The following KDM4C variants were observed in gnomAD, a reference collection of about 807,000 sequenced individuals.
KDM4C encodes the protein lysine demethylase 4C, also known as lysine-specific demethylase 4C.
A neutral mutation model predicts 129.3 loss-of-function variants in KDM4C; 81 were observed. That is an observed-to-expected ratio of 0.63 (90% confidence interval 0.52 to 0.75). The LOEUF (loss-of-function observed/expected upper bound fraction) is 0.75. Among genes scored for constraint, KDM4C ranks in the 30% least tolerant of loss-of-function variants. The pLI, the probability that KDM4C is intolerant of heterozygous loss-of-function variation, is 0.00. For missense variants in KDM4C, 1,457 were observed against 1,304.0 expected (o/e 1.12, Z -1.81); for synonymous variants, 573 against 456.1 (o/e 1.26, Z -3.26).
intron 19 of KDM4C, among the ~76,000 whole-genome samples, chr9:7,161,493 AC>A (rs1461016857): frequency 2.0e-5 from 3 of 152,134 alleles, no homozygotes; most frequent in African/African-American, 7.2e-5. Flanking sequence ...AAACTTCTCT[AC>A]CCCGAATGAA....
intron 4 of KDM4C, among the ~76,000 whole-genome samples, chr9:6,839,182 A>G (rs969476170): frequency 1.3e-5 from 2 of 152,106 alleles, no homozygotes; most frequent in Admixed American, 1.3e-4. Context: ...CTTGGATAAG[A>G]GTCCTAAAAC....
intron 8 of KDM4C, among the ~76,000 whole-genome samples, chr9:6,979,637 AAG>A: frequency 6.6e-6 from 1 of 152,176 alleles, no homozygotes; most frequent in East Asian, 1.9e-4. Context: ...GAAAGATTGT[AAG>A]AGATTTGGGG....
rs144990272 is a variant in KDM4C, at chr9:6,738,885, G to T, written c.49+17888G>T. ...CAGGCATGAGCTATCACGCCTGGCC[G>T]CCCAGCTAATTTCTATATTTTTTGT... On this transcript the variant is annotated intron_variant, in intron 1 of 17. Transcript: ENST00000536108. Among the ~76,000 whole-genome samples the T allele has an allele frequency of 8.6e-3, 1,289 of 150,626 alleles. 12 individuals are homozygous for T. Among genetic ancestry groups the T allele is most frequent in the South Asian group, 0.013 (63 of 4,736 alleles).
intron 13 of KDM4C, 94 bp from the exon 14 acceptor site, chr9:7,013,694 T>TA: frequency 8.7e-7 from 1 of 1,154,912 alleles, no homozygotes. Flanking sequence ...AGTTAGAAGT[T>TA]AGTGTCTGGA....
intron 19 of KDM4C, among the ~76,000 whole-genome samples, chr9:7,148,112 T>C (rs921902465): frequency 1.3e-5 from 2 of 152,248 alleles, no homozygotes; most frequent in African/African-American, 4.8e-5. Context: ...TGTGAGGCTG[T>C]GGCTGGACCA....
chr9:6,980,854 T>G (rs1452170983), intron 8 of KDM4C, 71 bp from the exon 9 acceptor site: 37 of 1,346,830 alleles, frequency 2.7e-5, no homozygotes, highest in Non-Finnish European at 3.9e-5. Context: ...GATGATGTGT[T>G]CAAGGACCAA....
At position 6,856,629 on chromosome 9, in the gene KDM4C, G is replaced by A. The variant is rs149991881; in HGVS notation, c.629+6929G>A. Reference sequence around the variant, plus strand: ...CACTCTGTTTCCCGGGCTGAATGCGGTGTTGCGATGATGGCTAACTGCAGC... The same window carrying A: ...CACTCTGTTTCCCGGGCTGAATGCGATGTTGCGATGATGGCTAACTGCAGC... On this transcript the variant is annotated intron_variant, in intron 5 of 21. Transcript: ENST00000381309. Among the ~76,000 whole-genome samples, 1,247 of 151,346 alleles carry A rather than the reference G, an allele frequency of 8.2e-3. 17 individuals carry two copies. Among genetic ancestry groups the A allele is most frequent in the African/African-American group, 0.029 (1,185 of 41,164 alleles).
At chr9:6,834,966 TC>T in intron 4 of KDM4C, 2 of 1,003,154 alleles carry the variant, frequency 2.0e-6, no homozygotes, top group Non-Finnish European at 1.6e-6. Flanking sequence ...GGATATGCCC[TC>T]CCCCACACCA....
intron 12 of KDM4C, 61 bp from the exon 13 acceptor site, chr9:7,011,637 T>G: frequency 7.0e-7 from 1 of 1,427,240 alleles, no homozygotes; most frequent in Non-Finnish European, 9.9e-7. Context: ...TCTTTTGTAC[T>G]CAGGGTGATT....
intron 17 of KDM4C, among the ~76,000 whole-genome samples, chr9:7,096,567 C>G (rs1288695916): frequency 6.6e-6 from 1 of 152,184 alleles, no homozygotes; most frequent in Non-Finnish European, 1.5e-5. Context: ...AGACAGACAA[C>G]TATGAAATAC....
chr9:7,144,142 G>T (rs1842013752), intron 19 of KDM4C, among the ~76,000 whole-genome samples: 1 of 150,488 alleles, frequency 6.6e-6, no homozygotes. Flanking sequence ...TGTGTGACTA[G>T]GTCTTGCTGT....
chr9:6,834,344 C>G (rs1025182389), intron 4 of KDM4C: 2 of 311,380 alleles, frequency 6.4e-6, no homozygotes, highest in Non-Finnish European at 6.3e-6. Context: ...CCGATAGTCT[C>G]TTTGTCATGA....
chr9:6,746,708 C>T (rs13295619), intron 1 of KDM4C, among the ~76,000 whole-genome samples: 32,151 of 144,524 alleles, frequency 0.22, 4,136 homozygotes, highest in African/African-American at 0.38. Context: ...GGCAAAACCT[C>T]GTCTCTAAGA....
At chr9:6,787,053 C>G (rs1362434566) in intron 1 of KDM4C, among the ~76,000 whole-genome samples, 1 of 152,122 alleles carries the variant, frequency 6.6e-6, no homozygotes, top group Non-Finnish European at 1.5e-5. Flanking sequence ...ATCTATGTAT[C>G]TGATTTGTAG....
chr9:6,906,466 GT>G (rs1416071526), intron 8 of KDM4C, among the ~76,000 whole-genome samples: 1 of 152,086 alleles, frequency 6.6e-6, no homozygotes, highest in Non-Finnish European at 1.5e-5. Context: ...TGCCTCAATG[GT>G]TTTGTCTCTG....
chr9:7,065,236 T>C lies in KDM4C; in HGVS notation c.2424+16036T>C, dbSNP rs140134748. On this transcript the variant is annotated intron_variant, in intron 17 of 21. Transcript: ENST00000381309. ...ACTAATAGTTTTCTGAAATGAAACTTCCTTAAAACAAAATTTTAAACTATG... is the reference window on the plus strand; with the variant it reads ...ACTAATAGTTTTCTGAAATGAAACTCCCTTAAAACAAAATTTTAAACTATG... Among the ~76,000 whole-genome samples the C allele has an allele frequency of 1.8e-3, 267 of 152,318 alleles. 1 individual carries two copies. Among genetic ancestry groups the C allele is most frequent in the Admixed American group, 6.7e-3 (102 of 15,306 alleles).
chr9:7,047,877 C>T, intron 16 of KDM4C, among the ~76,000 whole-genome samples: 1 of 151,954 alleles, frequency 6.6e-6, no homozygotes. Flanking sequence ...TTACATTCCG[C>T]CTGGCCCCCT....
At chr9:6,814,176 T>G (rs1451349634) in intron 3 of KDM4C, among the ~76,000 whole-genome samples, 2 of 152,208 alleles carry the variant, frequency 1.3e-5, no homozygotes, top group Non-Finnish European at 2.9e-5. Context: ...CATTAATATA[T>G]TCAGCATTTA....
At chr9:6,968,075 T>A (rs1831312631) in intron 8 of KDM4C, among the ~76,000 whole-genome samples, 1 of 152,348 alleles carries the variant, frequency 6.6e-6, no homozygotes, top group East Asian at 1.9e-4. Context: ...TTGCTATCAC[T>A]ATCAGCGTGA....
Sources: allele counts gnomAD v4.1 joint callset (sites outside exome capture counted in the v4.1 genomes callset), GRCh38; gene constraint gnomAD v4.1.1; transcripts MANE v1.5; gene names NCBI Gene and HGNC (gene_info 2026-07-23, HGNC 2026-07-21).